The following WWOX variants were observed in gnomAD, a reference collection of about 807,000 sequenced individuals.
The protein encoded by WWOX is WW domain-containing oxidoreductase.
In WWOX, 69 loss-of-function variants were observed where a neutral mutation model predicts 46.2. The observed-to-expected ratio is 1.49, with a 90% CI of 1.23 to 1.82. The LOEUF is 1.82. Among genes scored for constraint, WWOX ranks in the 40% most tolerant of loss-of-function variants. The probability of loss-of-function intolerance (pLI) is 0.00; values close to 1 mark genes in which losing one functional copy is unlikely to be tolerated. For synonymous variants in WWOX, 359 were observed against 202.6 expected (o/e 1.77, Z -6.56); for missense variants, 919 against 542.6 (o/e 1.69, Z -6.89).
chr16:78,667,790 C>G (rs1256977046), intron 8 of WWOX, among the ~76,000 whole-genome samples: 1 of 151,506 alleles, frequency 6.6e-6, no homozygotes, highest in Non-Finnish European at 1.5e-5. Context: ...TTGTTTCTGT[C>G]TTTCTCTCGC....
intron 5 of WWOX, among the ~76,000 whole-genome samples, chr16:78,336,589 G>T (rs1352905770): frequency 3.3e-5 from 5 of 151,414 alleles, no homozygotes; most frequent in Admixed American, 3.3e-4. Context: ...AATAGGGAGT[G>T]TTGAGGACCT....
chr16:79,018,357 C>T (rs546678222), intron 8 of WWOX, among the ~76,000 whole-genome samples: 1 of 152,274 alleles, frequency 6.6e-6, no homozygotes, highest in Admixed American at 6.5e-5. Flanking sequence ...AAATAGTGCT[C>T]TGTAAACATT....
chr16:78,838,356 T>G (rs868040628), intron 8 of WWOX, among the ~76,000 whole-genome samples: 26 of 152,162 alleles, frequency 1.7e-4, no homozygotes, highest in Non-Finnish European at 2.4e-4. Context: ...CTTTAGGCGC[T>G]CCTGCATGTT....
intron 8 of WWOX, among the ~76,000 whole-genome samples, chr16:79,009,146 C>T (rs1481313961): frequency 6.6e-6 from 1 of 152,222 alleles, no homozygotes; most frequent in East Asian, 1.9e-4. Context: ...ATCATCTTCC[C>T]TGCTAAAAAG....
At chr16:78,723,225 CT>C (rs2048735612) in intron 8 of WWOX, among the ~76,000 whole-genome samples, 1 of 152,122 alleles carries the variant, frequency 6.6e-6, no homozygotes, top group African/African-American at 2.4e-5. Context: ...TTATTTTCTT[CT>C]TTATATTATA....
chr16:78,678,816 T>C (rs2047663033), intron 8 of WWOX, among the ~76,000 whole-genome samples: 2 of 152,090 alleles, frequency 1.3e-5, no homozygotes, highest in African/African-American at 4.8e-5. Context: ...CATCCCCTCA[T>C]TGACTTCTCA....
intron 8 of WWOX, among the ~76,000 whole-genome samples, chr16:78,717,113 G>T (rs991368395): frequency 6.6e-6 from 1 of 152,188 alleles, no homozygotes; most frequent in East Asian, 1.9e-4. Context: ...CCAAGAGATG[G>T]CTGTAAGCTC....
Position 79,045,075 on chromosome 16 carries a change from C to T in WWOX, c.1057-166533C>T, listed in dbSNP as rs142901926. 1.4e-4 allele frequency among the ~76,000 whole-genome samples: 21 copies of T among 152,336 alleles called. No homozygotes were observed. The East Asian group carries it at 3.7e-3, about 27-fold the overall frequency. On this transcript the variant is annotated intron_variant, in intron 8 of 8. Transcript: ENST00000566780. The stretch of plus-strand genomic sequence containing the variant: ...AGATCAGCTCTGCTCCTGTCAATCT[C>T]TCCAAATGTTAGATTTTGCCTCAAA...
intron 8 of WWOX, among the ~76,000 whole-genome samples, chr16:78,912,454 C>T (rs1054241132): frequency 6.6e-5 from 10 of 151,960 alleles, no homozygotes; most frequent in African/African-American, 1.9e-4. Context: ...TTTTTGCCTG[C>T]GTCTTCACCC....
intron 8 of WWOX, among the ~76,000 whole-genome samples, chr16:79,120,883 C>T (rs573895900): frequency 7.2e-5 from 11 of 152,330 alleles, no homozygotes; most frequent in African/African-American, 1.7e-4. Context: ...ATTCTCCTGC[C>T]GCAGCCTCCT....
chr16:78,437,594 G>C (rs2083362059), intron 8 of WWOX, among the ~76,000 whole-genome samples: 1 of 152,168 alleles, frequency 6.6e-6, no homozygotes, highest in African/African-American at 2.4e-5. Context: ...CAGATCCAGA[G>C]AACTGGACAA....
rs2051790734 is a variant in WWOX at position 79,212,276 on chromosome 16, C to T, written c.*480C>T. 2 of 1,192,998 alleles carry T rather than the reference C, an allele frequency of 1.7e-6. No individual in the cohort carries two copies. Among genetic ancestry groups the T allele is most frequent in the African/African-American group, 1.5e-5 (1 of 64,614 alleles). 73.9% of individuals were successfully genotyped at this position (1,192,998 alleles called of 1,614,324 possible). ...AGATAATTGTTTCATTCATCCTGACCAAGACTGAGCCAGCTTAGCAACTGC... is the reference window on the plus strand; with the variant it reads ...AGATAATTGTTTCATTCATCCTGACTAAGACTGAGCCAGCTTAGCAACTGC... On this transcript the variant is annotated 3_prime_UTR_variant, in exon 9 of 9. Transcript: ENST00000566780.
At chr16:78,220,407 T>C (rs554745280) in intron 5 of WWOX, among the ~76,000 whole-genome samples, 1 of 42,092 alleles carries the variant, frequency 2.4e-5, no homozygotes, top group African/African-American at 2.8e-4. Context: ...AACAAACATA[T>C]AACAATGCTA....
chr16:78,552,511 G>A (rs1340828848), intron 8 of WWOX: 2 of 152,248 alleles, frequency 1.3e-5, no homozygotes, highest in Non-Finnish European at 2.9e-5. Context: ...TTCTGAGTGA[G>A]GGAGCGATGA....
In WWOX at chr16:78,466,352, G is replaced by C. The variant is rs534519847; in HGVS notation, c.1056+33600G>C. Among the ~76,000 whole-genome samples, 131 of 152,156 alleles carry C rather than the reference G, an allele frequency of 8.6e-4. 1 individual carries two copies. Among genetic ancestry groups the C allele is most frequent in the African/African-American group, 3.0e-3 (124 of 41,528 alleles). On this transcript the variant is annotated intron_variant, in intron 8 of 8. Coordinates refer to ENST00000566780, the MANE Select transcript of WWOX (RefSeq NM_016373.4). ...GGCTATTGGGTACAAGTTTCCTTTGGGGTGGTGAAACTGTTTTGGAACTAG... is the reference window on the plus strand; with the variant it reads ...GGCTATTGGGTACAAGTTTCCTTTGCGGTGGTGAAACTGTTTTGGAACTAG...
intron 8 of WWOX, among the ~76,000 whole-genome samples, chr16:78,698,638 A>T (rs182695982): frequency 6.6e-6 from 1 of 152,280 alleles, no homozygotes; most frequent in Admixed American, 6.5e-5. Flanking sequence ...TTTCCTGACA[A>T]ACTTCCCAAG....
At chr16:78,489,704 C>G (rs762798097) in intron 8 of WWOX, among the ~76,000 whole-genome samples, 1 of 152,078 alleles carries the variant, frequency 6.6e-6, no homozygotes, top group Non-Finnish European at 1.5e-5. Flanking sequence ...TGAGCTGGGC[C>G]CTGGCATGAT....
At chr16:78,419,240 A>C (rs2082868385) in intron 6 of WWOX, among the ~76,000 whole-genome samples, 1 of 152,166 alleles carries the variant, frequency 6.6e-6, no homozygotes, top group South Asian at 2.1e-4. Context: ...ATTTAGTGCA[A>C]TCTCTATTAA....
chr16:78,824,535 G>A (rs745731411), intron 8 of WWOX, among the ~76,000 whole-genome samples: 2 of 152,118 alleles, frequency 1.3e-5, no homozygotes, highest in African/African-American at 2.4e-5. Context: ...AGACACACCC[G>A]AGACTGGGAA....
Sources: gnomAD v4.1 joint callset for allele counts (sites outside exome capture counted in the v4.1 genomes callset) on GRCh38, gnomAD v4.1.1 for gene constraint, MANE v1.5 for transcripts, NCBI Gene and HGNC (gene_info 2026-07-23, HGNC 2026-07-21) for gene names.